Variants in GRM7 observed in about 807,000 individuals in gnomAD.
GRM7 encodes metabotropic glutamate receptor 7.
A neutral mutation model predicts 84.5 loss-of-function variants in GRM7; 35 were observed. The ratio of observed to expected loss-of-function variants is 0.41; its 90% CI spans 0.32 to 0.55. The LOEUF (loss-of-function observed/expected upper bound fraction) is 0.55. GRM7 is among the 20% of genes least tolerant of loss of function. The probability of loss-of-function intolerance (pLI) is 0.19; values close to 1 mark genes in which losing one functional copy is unlikely to be tolerated. For synonymous variants in GRM7, 487 were observed against 455.1 expected, an observed-to-expected ratio of 1.07 and a Z score of -0.89; for missense variants, 1,003 against 1,194.6, an observed-to-expected ratio of 0.84 and a Z score of 2.36.
At chr3:7,270,517 A>T (rs1055797209) in intron 2 of GRM7, among the ~76,000 whole-genome samples, 2 of 151,756 alleles carry the variant, frequency 1.3e-5, no homozygotes, top group Non-Finnish European at 2.9e-5. Flanking sequence ...ATTTTTTCTC[A>T]ATATTGAATG....
intron 1 of GRM7, among the ~76,000 whole-genome samples, chr3:6,879,747 A>T (rs562166518): frequency 6.6e-6 from 1 of 152,232 alleles, no homozygotes; most frequent in Non-Finnish European, 1.5e-5. Context: ...GTTAGAATTC[A>T]GTATCGATTT....
At chr3:6,876,624 A>G (rs1695315082) in intron 1 of GRM7, among the ~76,000 whole-genome samples, 1 of 138,672 alleles carries the variant, frequency 7.2e-6, no homozygotes, top group South Asian at 2.3e-4. Flanking sequence ...TTTTTTGAGA[A>G]GGTGTCTCGC....
intron 2 of GRM7, among the ~76,000 whole-genome samples, chr3:7,249,126 T>G (rs1187895676): frequency 6.6e-6 from 1 of 152,134 alleles, no homozygotes; most frequent in African/African-American, 2.4e-5. Context: ...TATATGTATA[T>G]TTATATGTTA....
chr3:7,622,797 A>G (rs541146956), intron 8 of GRM7, among the ~76,000 whole-genome samples: 17 of 152,240 alleles, frequency 1.1e-4, no homozygotes, highest in Middle Eastern at 3.4e-3. Flanking sequence ...GAAAGAGAGC[A>G]TGGACAAACC....
chr3:7,650,356 C>A (rs1404095681), intron 8 of GRM7, among the ~76,000 whole-genome samples: 1 of 152,112 alleles, frequency 6.6e-6, no homozygotes. Flanking sequence ...ACCCATCTAC[C>A]CGTCTCTTAT....
intron 4 of GRM7, among the ~76,000 whole-genome samples, chr3:7,377,268 A>G (rs111650209): frequency 0.022 from 3,374 of 152,284 alleles, 110 homozygotes; most frequent in African/African-American, 0.076. Context: ...TGGAAGTGTG[A>G]CCACAGGGGT....
chr3:7,382,457 A>G (rs1694628648), intron 4 of GRM7, among the ~76,000 whole-genome samples: 1 of 152,104 alleles, frequency 6.6e-6, no homozygotes, highest in Non-Finnish European at 1.5e-5. Flanking sequence ...TTTACTGGGA[A>G]TGCTCCTCAA....
chr3:7,134,052 A>G (rs893872521), intron 1 of GRM7, among the ~76,000 whole-genome samples: 1 of 152,192 alleles, frequency 6.6e-6, no homozygotes, highest in South Asian at 2.1e-4. Context: ...TAAGATGTCT[A>G]TTTAAGCAAA....
At chr3:6,913,393 G>T (rs1232850485) in intron 1 of GRM7, among the ~76,000 whole-genome samples, 2 of 152,150 alleles carry the variant, frequency 1.3e-5, no homozygotes, top group Non-Finnish European at 2.9e-5. Context: ...AAAACTAAAT[G>T]GGTAGGTTAC....
intron 1 of GRM7, among the ~76,000 whole-genome samples, chr3:6,892,132 G>C (rs906037841): frequency 6.6e-6 from 1 of 151,980 alleles, no homozygotes; most frequent in South Asian, 2.1e-4. Flanking sequence ...TTATACATTC[G>C]TCTAAATTTT....
intron 1 of GRM7, among the ~76,000 whole-genome samples, chr3:7,053,026 T>C (rs538866253): frequency 6.6e-6 from 1 of 151,064 alleles, no homozygotes; most frequent in East Asian, 1.9e-4. Context: ...TATTTTAGCA[T>C]GCCAGTTGGT....
chr3:6,925,765 A>G (rs1040847585), intron 1 of GRM7, among the ~76,000 whole-genome samples: 5 of 152,130 alleles, frequency 3.3e-5, no homozygotes, highest in Non-Finnish European at 7.3e-5. Flanking sequence ...GAAGCATCTT[A>G]CCCATTGATC....
At chr3:7,457,169 C>T (rs1001114836) in intron 6 of GRM7, among the ~76,000 whole-genome samples, 2 of 152,040 alleles carry the variant, frequency 1.3e-5, no homozygotes, top group Non-Finnish European at 2.9e-5. Flanking sequence ...ACAAAATTTG[C>T]TGTATAGGTA....
intron 5 of GRM7, among the ~76,000 whole-genome samples, chr3:7,439,356 A>T (rs1697191751): frequency 6.6e-6 from 1 of 152,180 alleles, no homozygotes; most frequent in Non-Finnish European, 1.5e-5. Context: ...CCTCTCCTGT[A>T]ACGTAGCCCA....
intron 9 of GRM7, among the ~76,000 whole-genome samples, chr3:7,716,296 A>C (rs162791): frequency 0.069 from 10,424 of 152,052 alleles, 519 homozygotes; most frequent in African/African-American, 0.14. Context: ...AATTCCCCAC[A>C]CTCGTTCCAT....
rs536508225 is a variant in GRM7 at position 7,070,775 on chromosome 3, G to A, written c.520-75677G>A. 7.8e-4 allele frequency among the ~76,000 whole-genome samples: 119 copies of A among 152,048 alleles called. 1 individual carries two copies. Among genetic ancestry groups the A allele is most frequent in the African/African-American group, 2.6e-3 (106 of 41,500 alleles). ...GACAATGCAAGTTGAAATGATTGAGGGGTGGAAGAACTGAGAACTGTAGAC... is the reference window on the plus strand; with the variant it reads ...GACAATGCAAGTTGAAATGATTGAGAGGTGGAAGAACTGAGAACTGTAGAC... On this transcript the variant is annotated intron_variant, in intron 1 of 9. Coordinates refer to ENST00000357716, the MANE Select transcript of GRM7 (RefSeq NM_000844.4).
intron 1 of GRM7, among the ~76,000 whole-genome samples, chr3:6,885,941 T>A (rs187680445): frequency 6.6e-6 from 1 of 152,134 alleles, no homozygotes; most frequent in African/African-American, 2.4e-5. Context: ...TCAAGTTAGT[T>A]TGAGTTTCTT....
intron 8 of GRM7, among the ~76,000 whole-genome samples, chr3:7,615,828 T>C (rs1424820565): frequency 2.0e-5 from 3 of 152,082 alleles, no homozygotes; most frequent in Non-Finnish European, 4.4e-5. Context: ...TTTTCTGTCT[T>C]GTTAACTCCT....
At chr3:7,331,312 T>A (rs1046975175) in intron 4 of GRM7, among the ~76,000 whole-genome samples, 1 of 152,114 alleles carries the variant, frequency 6.6e-6, no homozygotes, top group Non-Finnish European at 1.5e-5. Context: ...AAGAGTGTCA[T>A]GATGGAGAAG....
Sources: gnomAD v4.1 joint callset for allele counts (sites outside exome capture counted in the v4.1 genomes callset) on GRCh38, gnomAD v4.1.1 for gene constraint, MANE v1.5 for transcripts, NCBI Gene and HGNC (gene_info 2026-07-23, HGNC 2026-07-21) for gene names.